Variants in CSNK2A2IP observed in about 807,000 individuals in gnomAD.
The protein encoded by CSNK2A2IP is casein kinase 2 subunit alpha' interacting protein, also known as casein kinase II subunit alpha'-interacting protein.
chr3:88,394,668 A>G, the CSNK2A2IP span, among the ~76,000 whole-genome samples: 1 of 152,224 alleles, frequency 6.6e-6, no homozygotes, highest in Non-Finnish European at 1.5e-5. Flanking sequence ...GCCAGCACAC[A>G]CAGCCTTAAT....
the CSNK2A2IP span, among the ~76,000 whole-genome samples, chr3:88,464,169 G>T: frequency 6.8e-6 from 1 of 148,046 alleles, no homozygotes; most frequent in African/African-American, 2.5e-5. Context: ...GTTGTGGTGT[G>T]GGGGGAGGGG....
chr3:88,350,470 T>A, the CSNK2A2IP span, among the ~76,000 whole-genome samples: 2 of 151,906 alleles, frequency 1.3e-5, no homozygotes, highest in African/African-American at 4.8e-5. Context: ...TCTTGTTTAT[T>A]GGGATGGGAA....
the CSNK2A2IP span, among the ~76,000 whole-genome samples, chr3:88,416,173 A>C: frequency 6.6e-6 from 1 of 150,638 alleles, no homozygotes; most frequent in Non-Finnish European, 1.5e-5. Context: ...CAGGAGGCTG[A>C]GGCAGGAGAA....
chr3:88,341,117 G>T, the CSNK2A2IP span, among the ~76,000 whole-genome samples: 1 of 151,704 alleles, frequency 6.6e-6, no homozygotes, highest in African/African-American at 2.4e-5. Flanking sequence ...ATATGAAAAT[G>T]TTACAAAATA....
chr3:88,399,262 G>T, the CSNK2A2IP span, among the ~76,000 whole-genome samples: 1 of 152,122 alleles, frequency 6.6e-6, no homozygotes, highest in African/African-American at 2.4e-5. Flanking sequence ...CAAAATGGTT[G>T]TCTGAGGCTT....
chr3:88,359,682 T>A, the CSNK2A2IP span, among the ~76,000 whole-genome samples: 62,588 of 152,084 alleles, frequency 0.41, 14,810 homozygotes, highest in South Asian at 0.6. Context: ...TCCAAAGTTC[T>A]TCTTGTTATT....
the CSNK2A2IP span, among the ~76,000 whole-genome samples, chr3:88,385,329 G>A: frequency 3.9e-5 from 6 of 152,106 alleles, no homozygotes; most frequent in South Asian, 1.2e-3. Context: ...ATGCTGCTGA[G>A]TCATTATGTA....
At chr3:88,356,915 C>T in the CSNK2A2IP span, among the ~76,000 whole-genome samples, 1 of 152,040 alleles carries the variant, frequency 6.6e-6, no homozygotes, top group Non-Finnish European at 1.5e-5. Flanking sequence ...AATGTCTATT[C>T]AGGTATTTTA....
chr3:88,346,827 T>A, the CSNK2A2IP span, among the ~76,000 whole-genome samples: 1 of 152,088 alleles, frequency 6.6e-6, no homozygotes, highest in South Asian at 2.1e-4. Flanking sequence ...TAAGGAGTAA[T>A]TTTATTTTTT....
At chr3:88,438,332 A>G in the CSNK2A2IP span, among the ~76,000 whole-genome samples, 73 of 152,246 alleles carry the variant, frequency 4.8e-4, no homozygotes, top group Admixed American at 1.4e-3. Context: ...GGGCCTTAGA[A>G]GCAAAGCCTC....
At chr3:88,457,695 CAAAATAAAATAAAAT>C in the CSNK2A2IP span, among the ~76,000 whole-genome samples, 2,055 of 110,284 alleles carry the variant, frequency 0.019, 25 homozygotes, top group South Asian at 0.041. Flanking sequence ...GACTCAGTCT[CAAAATAAAATAAAAT>C]AAAATAAAAT....
the CSNK2A2IP span, among the ~76,000 whole-genome samples, chr3:88,366,066 C>G: frequency 6.6e-6 from 1 of 150,902 alleles, no homozygotes; most frequent in Non-Finnish European, 1.5e-5. Flanking sequence ...GAAAATCTGT[C>G]CAAACGTTAC....
chr3:88,415,350 T>C, the CSNK2A2IP span, among the ~76,000 whole-genome samples: 2 of 152,036 alleles, frequency 1.3e-5, no homozygotes, highest in African/African-American at 4.8e-5. Flanking sequence ...TTAGAATTAT[T>C]TGAGGGTGTC....
chr3:88,422,617 C>G, the CSNK2A2IP span, among the ~76,000 whole-genome samples: 1 of 152,116 alleles, frequency 6.6e-6, no homozygotes, highest in Non-Finnish European at 1.5e-5. Flanking sequence ...TGTAACTAAG[C>G]TTTTAAAAGC....
the CSNK2A2IP span, among the ~76,000 whole-genome samples, chr3:88,449,870 T>TAGAG: frequency 4.3e-3 from 354 of 81,784 alleles, 12 homozygotes; most frequent in Non-Finnish European, 3.6e-3. Flanking sequence ...TATATATATA[T>TAGAG]ATATAGAGAG....
At chr3:88,358,843 T>C in the CSNK2A2IP span, among the ~76,000 whole-genome samples, 1 of 152,182 alleles carries the variant, frequency 6.6e-6, no homozygotes, top group African/African-American at 2.4e-5. Flanking sequence ...ATTCTAGCTT[T>C]GTAGAATGAG....
chr3:88,444,236 C>T, the CSNK2A2IP span, among the ~76,000 whole-genome samples: 10 of 149,972 alleles, frequency 6.7e-5, no homozygotes, highest in African/African-American at 1.7e-4. Flanking sequence ...AAACAAAAAA[C>T]TTTTAAATTA....
chr3:88,353,601 G>A, the CSNK2A2IP span, among the ~76,000 whole-genome samples: 3 of 151,996 alleles, frequency 2.0e-5, no homozygotes, highest in Non-Finnish European at 4.4e-5. Context: ...AGATTTTAGG[G>A]GTTTTATTGG....
chr3:88,357,857 C>T, the CSNK2A2IP span, among the ~76,000 whole-genome samples: 8 of 151,764 alleles, frequency 5.3e-5, no homozygotes, highest in South Asian at 4.2e-4. Context: ...AAGGATTAAG[C>T]GATCCTCCCA....
Sources: gnomAD v4.1 joint callset for allele counts (sites outside exome capture counted in the v4.1 genomes callset) on GRCh38, gnomAD v4.1.1 for gene constraint, MANE v1.5 for transcripts, NCBI Gene and HGNC (gene_info 2026-07-23, HGNC 2026-07-21) for gene names.